SYNC: variants seen among roughly 807,000 people sequenced by gnomAD.
The protein encoded by SYNC is syncoilin, intermediate filament protein.
In SYNC, 38 loss-of-function variants were observed where a neutral mutation model predicts 49.5. The ratio of observed to expected loss-of-function variants is 0.77; its 90% CI spans 0.59 to 1.01. SYNC has a LOEUF of 1.01. Ranked by LOEUF, SYNC falls within the 50% of genes least tolerant of loss-of-function variation. The pLI, the probability that SYNC is intolerant of heterozygous loss-of-function variation, is 0.00. For synonymous variants in SYNC, 201 were observed against 230.8 expected, an observed-to-expected ratio of 0.87 and a Z score of 1.17; for missense variants, 579 against 580.6, an observed-to-expected ratio of 1.00 and a Z score of 0.03.
At chr1:32,691,480 G>C (rs990042284) in intron 2 of SYNC, among the ~76,000 whole-genome samples, 19 of 151,698 alleles carry the variant, frequency 1.3e-4, no homozygotes, top group African/African-American at 4.6e-4. Context: ...TTGAACCTGG[G>C]AAGTGGAGGT....
chr1:32,695,240 C>G lies in SYNC; in HGVS notation c.858G>C (p.Glu286Asp). 6.4e-7 allele frequency: 1 copy of G among 1,552,308 alleles called. No individual in the cohort carries two copies. Among genetic ancestry groups the G allele is most frequent in the Non-Finnish European group, 8.7e-7 (1 of 1,147,290 alleles). ...VLTTRATQLS[E>D]ELAQLRDAYQ... ...AGGCATCCCGGAGCTGGGCCAGTTC[C>G]TCTGAGAGCTGGGTTGCCCTTGTAG... is the stretch of plus-strand genomic sequence containing the variant. Residue 286 changes from glutamate (E) to aspartate (D), a missense_variant, in exon 2 of 5, where the codon GAG becomes GAC. Glu to Asp is a conservative substitution (Grantham distance 45). Coordinates refer to ENST00000409190, the MANE Select transcript of SYNC (RefSeq NM_030786.3).
intron 2 of SYNC, among the ~76,000 whole-genome samples, chr1:32,686,632 T>C (rs1488572908): frequency 6.6e-6 from 1 of 152,160 alleles, no homozygotes; most frequent in African/African-American, 2.4e-5. Flanking sequence ...GAAATGGGTT[T>C]AAAGGATGAG....
At chr1:32,688,470 T>G (rs1650000140) in intron 2 of SYNC, among the ~76,000 whole-genome samples, 1 of 152,184 alleles carries the variant, frequency 6.6e-6, no homozygotes, top group Non-Finnish European at 1.5e-5. Flanking sequence ...TTACAGTGCT[T>G]ATAACATTGA....
chr1:32,687,855 A>ATTATTATTATTATTATTGTTATT lies in SYNC; in HGVS notation c.1234-3474_1234-3473insAATAACAATAATAATAATAATAA, dbSNP rs71006359. Among the ~76,000 whole-genome samples, 8 of 135,502 alleles carry ATTATTATTATTATTATTGTTATT rather than the reference A, an allele frequency of 5.9e-5. No homozygotes were observed. The East Asian group carries it at 1.3e-3, about 22-fold the overall frequency. The allele number at this position is 135,502 out of a possible 152,430, so 88.9% of individuals were successfully genotyped here. A position where few individuals can be genotyped will look rare whatever the true frequency, so the allele number is the denominator to read the frequency against. ...GTGAATTATTATTATTATTATTATT[A>ATTATTATTATTATTATTGTTATT]TTATTATTTTTTGAGATGGAGTCTT... is the stretch of plus-strand genomic sequence containing the variant. On this transcript the variant is annotated intron_variant, in intron 2 of 4. Coordinates refer to ENST00000409190, the MANE Select transcript of SYNC (RefSeq NM_030786.3).
upstream of SYNC, chr1:32,703,205 G>C (rs1650737867): frequency 6.6e-6 from 1 of 152,170 alleles, no homozygotes; most frequent in African/African-American, 2.4e-5. Flanking sequence ...CCCGGCAGCT[G>C]TCGTGAAGGG....
chr1:32,682,011 A>G (rs1410650855), intron 4 of SYNC, 151 bp from the exon 5 acceptor site: 2 of 665,188 alleles, frequency 3.0e-6, no homozygotes, highest in Admixed American at 2.5e-5. Context: ...TGTTTGTCAA[A>G]TAGAATGAAT....
At chr1:32,697,224 C>T (rs1650472896) in intron 1 of SYNC, among the ~76,000 whole-genome samples, 1 of 150,502 alleles carries the variant, frequency 6.6e-6, no homozygotes, top group African/African-American at 2.4e-5. Context: ...GGCGGATCAC[C>T]TGAGGTCGGG....
intron 4 of SYNC, chr1:32,683,330 C>T (rs1649578942): frequency 6.6e-6 from 1 of 150,562 alleles, no homozygotes; most frequent in African/African-American, 2.4e-5. Context: ...CACCCAAAAC[C>T]ACAGCCTTTG....
Position 32,681,630 on chromosome 1 carries a change from A to G in SYNC, c.*220T>C, listed in dbSNP as rs1649441613. 1.5e-6 allele frequency: 1 copy of G among 650,414 alleles called. No homozygotes were observed. Among genetic ancestry groups the G allele is most frequent in the East Asian group, 2.8e-5 (1 of 36,334 alleles). 40.3% of individuals were successfully genotyped at this position (650,414 alleles called of 1,614,324 possible). On this transcript the variant is annotated 3_prime_UTR_variant, in exon 5 of 5. Coordinates refer to ENST00000409190, the MANE Select transcript of SYNC (RefSeq NM_030786.3). The stretch of plus-strand genomic sequence containing the variant: ...GCATTGAGATCAGTATCAACAGCAG[A>G]TGAAATAGAATCCAGCAAAGAGTTG...
In SYNC at chr1:32,683,735, C is replaced by T. The variant is rs544730096; in HGVS notation, c.1438+275G>A. The T allele has an allele frequency of 5.4e-4, 182 of 338,934 alleles. 2 individuals are homozygous for T. Among genetic ancestry groups the T allele is most frequent in the African/African-American group, 3.4e-3 (158 of 46,822 alleles). The allele number at this position is 338,934 out of a possible 1,614,324, so 21.0% of individuals were successfully genotyped here. ...TGCAACCTCTGCCTCCTGGTTCAAG[C>T]GATTCTCCTGCCTTGGCCTCCTGAG... On this transcript the variant is annotated intron_variant, in intron 4 of 4. Coordinates refer to ENST00000409190, the MANE Select transcript of SYNC (RefSeq NM_030786.3).
intron 2 of SYNC, among the ~76,000 whole-genome samples, chr1:32,688,346 A>G (rs1649993426): frequency 6.6e-6 from 1 of 152,096 alleles, no homozygotes; most frequent in Non-Finnish European, 1.5e-5. Flanking sequence ...TATTTTGTGT[A>G]AAGAACTTCA....
intron 2 of SYNC, 47 bp from the exon 3 acceptor site, chr1:32,684,429 A>T: frequency 6.2e-7 from 1 of 1,611,366 alleles, no homozygotes. Context: ...AACAATAAAA[A>T]CTCACATTGT....
At chr1:32,690,907 T>C (rs1650127852) in intron 2 of SYNC, among the ~76,000 whole-genome samples, 1 of 151,414 alleles carries the variant, frequency 6.6e-6, no homozygotes, top group South Asian at 2.1e-4. Flanking sequence ...GGCAATACGG[T>C]GAAACCCCGT....
At chr1:32,699,048 G>A (rs1274930762) in intron 1 of SYNC, among the ~76,000 whole-genome samples, 1 of 151,768 alleles carries the variant, frequency 6.6e-6, no homozygotes, top group Non-Finnish European at 1.5e-5. Flanking sequence ...CCAAAGTGCT[G>A]GGATTACAGG....
chr1:32,695,733 T>C lies in SYNC; in HGVS notation c.365A>G (p.Glu122Gly). 3.2e-6 allele frequency: 5 copies of C among 1,551,516 alleles called. No individual in the cohort carries two copies. The highest frequency in any genetic ancestry group is 4.4e-6 in the Non-Finnish European group (5 of 1,146,970). Residue 122 changes from glutamate (E) to glycine (G), a missense_variant, in exon 2 of 5, where the codon GAG (glutamate) becomes GGG (glycine). Glu to Gly is a moderately conservative substitution (Grantham distance 98). Coordinates refer to ENST00000409190, the MANE Select transcript of SYNC (RefSeq NM_030786.3). ...GGGCTTTCCTGGCTCCACGGGCCCC[T>C]CCACAAACTGTATCCGATCTGGCTC... is the stretch of plus-strand genomic sequence containing the variant. ...TTEPDRIQFV[E>G]GPVEPGKPTS...
Position 32,684,007 on chromosome 1 carries a change from C to G in SYNC, c.1438+3G>C, listed in dbSNP as rs1649631564. The G allele has an allele frequency of 6.2e-7, 1 of 1,613,414 alleles. No individual in the cohort carries two copies. The highest frequency in any genetic ancestry group is 1.3e-5 in the African/African-American group (1 of 74,910). Reference sequence around the variant, plus strand: ...ACACCACTCTTCTCTTCACAAAGATCACCTTGAGACTGTGTCTCCATTCCA... The same window carrying G: ...ACACCACTCTTCTCTTCACAAAGATGACCTTGAGACTGTGTCTCCATTCCA... On this transcript the variant is annotated splice_donor_region_variant and intron_variant, in intron 4 of 4. Transcript: ENST00000409190.
chr1:32,694,957 C>T lies in SYNC; in HGVS notation c.1141G>A (p.Glu381Lys). 1 of 1,614,078 alleles carries T rather than the reference C, an allele frequency of 6.2e-7. No individual in the cohort carries two copies. The highest frequency in any genetic ancestry group is 8.5e-7 in the Non-Finnish European group (1 of 1,180,020). Residue 381 changes from glutamate (E) to lysine (K), a missense_variant, in exon 2 of 5, where the codon GAG (glutamate) becomes AAG (lysine). Coordinates refer to ENST00000409190, the MANE Select transcript of SYNC (RefSeq NM_030786.3). ...TTTTGCAGGCGGAGCTGCCGGGCCTCTGCTTGCAGGGGTCTCAGAGCCTCC... is the reference window on the plus strand; with the variant it reads ...TTTTGCAGGCGGAGCTGCCGGGCCTTTGCTTGCAGGGGTCTCAGAGCCTCC... ...MKEALRPLQA[E>K]ARQLRLQNRN...
intron 2 of SYNC, 78 bp from the exon 3 acceptor site, chr1:32,684,460 CTTT>C: frequency 6.3e-7 from 1 of 1,593,938 alleles, no homozygotes; most frequent in Admixed American, 1.7e-5. Context: ...TTATAAAACA[CTTT>C]TTTGTTCATT....
intron 2 of SYNC, 141 bp from the exon 3 acceptor site, chr1:32,684,523 G>A (rs1649683564): frequency 3.2e-6 from 4 of 1,251,070 alleles, no homozygotes. Context: ...GATAGGTTAT[G>A]AAACAGGTTC....
Sources: allele counts gnomAD v4.1 joint callset (sites outside exome capture counted in the v4.1 genomes callset), GRCh38; gene constraint gnomAD v4.1.1; transcripts MANE v1.5; gene names NCBI Gene and HGNC (gene_info 2026-07-23, HGNC 2026-07-21).